DLGAP2: variants seen among roughly 807,000 people sequenced by gnomAD.
DLGAP2 encodes the protein disks large-associated protein 2.
In DLGAP2, 26 loss-of-function variants were observed where a neutral mutation model predicts 100.3. The observed-to-expected ratio is 0.26, with a 90% confidence interval of 0.19 to 0.36. The LOEUF (loss-of-function observed/expected upper bound fraction) is 0.36. Among genes scored for constraint, DLGAP2 ranks in the 10% least tolerant of loss-of-function variants. The pLI, the probability that DLGAP2 is intolerant of heterozygous loss-of-function variation, is 1.00. For missense variants in DLGAP2, 1,858 were observed against 1,453.2 expected (o/e 1.28, Z -4.53); for synonymous variants, 886 against 630.1 (o/e 1.41, Z -6.08).
chr8:1,333,461 C>T (rs1801203379), intron 3 of DLGAP2, among the ~76,000 whole-genome samples: 1 of 152,170 alleles, frequency 6.6e-6, no homozygotes, highest in Non-Finnish European at 1.5e-5. Flanking sequence ...ATCCCGTCAT[C>T]AGATTGTCTA....
At chr8:1,267,585 A>AG (rs1563051923) in intron 3 of DLGAP2, among the ~76,000 whole-genome samples, 680 of 47,286 alleles carry the variant, frequency 0.014, 21 homozygotes, top group Middle Eastern at 0.062. Flanking sequence ...AAATAAAATA[A>AG]AATAAGATAA....
At chr8:956,325 G>A (rs1799596772) in intron 2 of DLGAP2, among the ~76,000 whole-genome samples, 1 of 152,178 alleles carries the variant, frequency 6.6e-6, no homozygotes, top group Non-Finnish European at 1.5e-5. Context: ...GGCCTTGTTA[G>A]GAAAACACAG....
intron 7 of DLGAP2, among the ~76,000 whole-genome samples, chr8:1,627,324 G>C (rs1797531112): frequency 6.6e-6 from 1 of 152,134 alleles, no homozygotes; most frequent in South Asian, 2.1e-4. Flanking sequence ...AGTCCTGCCG[G>C]TCGGCCCCAC....
intron 3 of DLGAP2, among the ~76,000 whole-genome samples, chr8:1,372,110 G>T (rs553890079): frequency 3.3e-5 from 5 of 152,332 alleles, no homozygotes; most frequent in Non-Finnish European, 5.9e-5. Flanking sequence ...GACAGCTCTG[G>T]GACCTGGGCC....
intron 2 of DLGAP2, among the ~76,000 whole-genome samples, chr8:937,719 C>T (rs1482518736): frequency 6.6e-6 from 1 of 152,188 alleles, no homozygotes; most frequent in Non-Finnish European, 1.5e-5. Context: ...GTCTTCTCCT[C>T]CATCTCCTAC....
At chr8:810,673 A>G (rs1315669911) in intron 1 of DLGAP2, among the ~76,000 whole-genome samples, 2 of 152,312 alleles carry the variant, frequency 1.3e-5, no homozygotes, top group Middle Eastern at 3.4e-3. Flanking sequence ...TTCTTGTCCA[A>G]TTTGTTTATC....
chr8:1,289,604 G>T (rs1017714365), intron 3 of DLGAP2, among the ~76,000 whole-genome samples: 3 of 152,204 alleles, frequency 2.0e-5, no homozygotes, highest in African/African-American at 7.2e-5. Flanking sequence ...GGGAATATCT[G>T]TCCCTGGGGG....
intron 2 of DLGAP2, among the ~76,000 whole-genome samples, chr8:1,087,912 C>T (rs773324664): frequency 1.3e-5 from 2 of 152,258 alleles, no homozygotes; most frequent in African/African-American, 2.4e-5. Context: ...CACCAGGTCC[C>T]CACCCTGGCA....
chr8:873,029 G>A (rs555545028), intron 1 of DLGAP2, among the ~76,000 whole-genome samples: 1 of 141,876 alleles, frequency 7.0e-6, no homozygotes, highest in South Asian at 2.1e-4. Flanking sequence ...TAAGTACTAT[G>A]TGCATGTATG....
At chr8:916,482 C>G (rs1273029767) in intron 2 of DLGAP2, among the ~76,000 whole-genome samples, 6 of 152,076 alleles carry the variant, frequency 3.9e-5, no homozygotes, top group Admixed American at 3.9e-4. Context: ...ACAATGAGAA[C>G]AGTTGGACAC....
At chr8:806,500 G>A (rs1796273122) in intron 1 of DLGAP2, among the ~76,000 whole-genome samples, 1 of 152,204 alleles carries the variant, frequency 6.6e-6, no homozygotes, top group African/African-American at 2.4e-5. Context: ...CTCCCCAAAG[G>A]GAGACTGAGG....
intron 5 of DLGAP2, among the ~76,000 whole-genome samples, chr8:1,565,276 A>G (rs762085573): frequency 8.0e-5 from 12 of 149,790 alleles, no homozygotes; most frequent in Non-Finnish European, 1.3e-4. Flanking sequence ...TAAGTATACA[A>G]TAAGATAGGC....
At chr8:792,468 A>G (rs1376534753) in intron 1 of DLGAP2, among the ~76,000 whole-genome samples, 2 of 152,232 alleles carry the variant, frequency 1.3e-5, no homozygotes, top group East Asian at 3.8e-4. Context: ...TTTCACCATA[A>G]TAAAAACGGT....
At chr8:769,326 C>A (rs1028383950) in intron 1 of DLGAP2, among the ~76,000 whole-genome samples, 1 of 151,896 alleles carries the variant, frequency 6.6e-6, no homozygotes, top group African/African-American at 2.4e-5. Context: ...AGCAGAAAAA[C>A]GCTAACAAGA....
intron 2 of DLGAP2, among the ~76,000 whole-genome samples, chr8:1,196,413 G>A (rs1797750546): frequency 6.6e-6 from 1 of 152,212 alleles, no homozygotes; most frequent in Non-Finnish European, 1.5e-5. Context: ...CCAGATAGGT[G>A]TGTGATGTTA....
intron 3 of DLGAP2, among the ~76,000 whole-genome samples, chr8:1,267,136 G>T (rs1195254613): frequency 6.6e-6 from 1 of 151,904 alleles, no homozygotes; most frequent in East Asian, 1.9e-4. Context: ...TGAGACTGAG[G>T]CAGGAGAATG....
chr8:1,196,385 G>T (rs981510301), intron 2 of DLGAP2, among the ~76,000 whole-genome samples: 2 of 152,166 alleles, frequency 1.3e-5, no homozygotes, highest in African/African-American at 4.8e-5. Context: ...CAGCACAGGG[G>T]CTAACACAGG....
chr8:754,148 C>A (rs554281072), intron 1 of DLGAP2: 3 of 152,386 alleles, frequency 2.0e-5, no homozygotes, highest in Admixed American at 6.5e-5. Flanking sequence ...CGAGTCCTCA[C>A]GGCAGCCTCT....
chr8:1,246,447 C>T (rs921889709), intron 2 of DLGAP2, among the ~76,000 whole-genome samples: 3 of 152,232 alleles, frequency 2.0e-5, no homozygotes, highest in Admixed American at 6.5e-5. Context: ...CAGGGACCTT[C>T]TCCTCAGTGT....
Sources: allele counts gnomAD v4.1 joint callset (sites outside exome capture counted in the v4.1 genomes callset), GRCh38; gene constraint gnomAD v4.1.1; transcripts MANE v1.5; gene names NCBI Gene and HGNC (gene_info 2026-07-23, HGNC 2026-07-21).